MYOM1: variants seen among roughly 807,000 people sequenced by gnomAD.
The protein encoded by MYOM1 is myomesin 1.
In MYOM1, 164 loss-of-function variants were observed where a neutral mutation model predicts 205.3. The ratio of observed to expected loss-of-function variants is 0.80; its 90% confidence interval spans 0.70 to 0.91. MYOM1 has a LOEUF of 0.91. Ranked by LOEUF, MYOM1 falls within the 40% of genes least tolerant of loss-of-function variation. The pLI is 0.00. For missense variants in MYOM1, 2,011 were observed against 2,127.3 expected (o/e 0.95, Z 1.08); for synonymous variants, 772 against 789.4 (o/e 0.98, Z 0.37).
At position 3,067,472 on chromosome 18, in the gene MYOM1, G is replaced by C. The variant is rs201952488; in HGVS notation, c.4848C>G (p.Asp1616Glu). ...CCTCGAACTTGAGGTTGCAGTGGTC[G>C]TCTGAGGCCAGGGCCTTCTCGTTCT... ...WLKNEKALAS[D>E]DHCNLKFEAG... Residue 1616 changes from aspartate (D) to glutamate (E), a missense_variant, in exon 38 of 38, where the codon GAC (aspartate) becomes GAG (glutamate). Transcript: ENST00000356443. 2 of 1,613,712 alleles carry C rather than the reference G, an allele frequency of 1.2e-6. No homozygotes were observed. Among genetic ancestry groups the C allele is most frequent in the Admixed American group, 3.3e-5 (2 of 60,014 alleles).
At chr18:3,244,638 C>CG in the MYOM1 span, among the ~76,000 whole-genome samples, 1 of 151,932 alleles carries the variant, frequency 6.6e-6, no homozygotes, top group African/African-American at 2.4e-5. Context: ...TGCCTGTAAT[C>CG]CAAGCACTTT....
the MYOM1 span, among the ~76,000 whole-genome samples, chr18:3,242,487 G>A: frequency 3.3e-5 from 5 of 152,202 alleles, no homozygotes; most frequent in African/African-American, 1.2e-4. Context: ...TCTTTCTTTT[G>A]TAAATTACCC....
Position 3,174,548 on chromosome 18 carries a change from G to A in MYOM1, c.1023-340C>T, listed in dbSNP as rs558953524. Among the ~76,000 whole-genome samples, 8 of 152,240 alleles carry A rather than the reference G, an allele frequency of 5.3e-5. No homozygotes were observed. In the South Asian group the frequency reaches 6.2e-4, roughly 12 times the overall value. Reference sequence around the variant, plus strand: ...TATAGAGTGAACAGCATTGTGATCCGCTTACTTGTCTAAAGTTGCATTGGG... The same window carrying A: ...TATAGAGTGAACAGCATTGTGATCCACTTACTTGTCTAAAGTTGCATTGGG... On this transcript the variant is annotated intron_variant, in intron 6 of 37. Coordinates refer to ENST00000356443, the MANE Select transcript of MYOM1 (RefSeq NM_003803.4).
chr18:3,116,579 GA>G (rs2079609871), intron 20 of MYOM1, 64 bp from the exon 21 acceptor site: 3 of 1,409,310 alleles, frequency 2.1e-6, no homozygotes, highest in Admixed American at 2.4e-5. Context: ...CACACGTTTA[GA>G]ACCACTTGTA....
intron 34 of MYOM1, 147 bp downstream of exon 34, chr18:3,079,032 T>C (rs1444941340): frequency 3.2e-6 from 2 of 631,542 alleles, no homozygotes; most frequent in African/African-American, 3.7e-5. Flanking sequence ...AGGCTGGTCT[T>C]GAACTCCTGA....
chr18:3,077,555 C>T (rs1271888643), intron 34 of MYOM1, among the ~76,000 whole-genome samples: 1 of 152,022 alleles, frequency 6.6e-6, no homozygotes, highest in Non-Finnish European at 1.5e-5. Context: ...TCCTCTTGTC[C>T]CCGCACCACT....
At chr18:3,198,780 C>T (rs1337403320) in intron 2 of MYOM1, among the ~76,000 whole-genome samples, 1 of 147,134 alleles carries the variant, frequency 6.8e-6, no homozygotes, top group Non-Finnish European at 1.5e-5. Context: ...GAGACTCTGT[C>T]TCAAAAAAAG....
At chr18:3,116,210 C>G in intron 21 of MYOM1, 121 bp downstream of exon 21, 1 of 1,055,256 alleles carries the variant, frequency 9.5e-7, no homozygotes, top group Non-Finnish European at 1.3e-6. Context: ...TGGAATCTTA[C>G]CAGGAGCCCA....
intron 14 of MYOM1, among the ~76,000 whole-genome samples, chr18:3,140,805 A>G (rs1469885730): frequency 6.6e-6 from 1 of 152,196 alleles, no homozygotes; most frequent in African/African-American, 2.4e-5. Flanking sequence ...TTTTTATAAA[A>G]AAAAATTCTA....
intron 11 of MYOM1, among the ~76,000 whole-genome samples, chr18:3,153,935 A>G (rs1405006880): frequency 6.6e-6 from 1 of 152,224 alleles, no homozygotes. Context: ...GTCCAAACTC[A>G]TGTCATAATT....
At position 3,134,730 on chromosome 18, in the gene MYOM1, C is replaced by A. The variant is rs2079931046; in HGVS notation, c.2304G>T (p.Leu768=). 6.2e-7 allele frequency: 1 copy of A among 1,613,948 alleles called. No homozygotes were observed. The highest frequency in any genetic ancestry group is 8.5e-7 in the Non-Finnish European group (1 of 1,179,884). The change falls in exon 16 of 38, where the codon CTG becomes CTT. Residue 768 remains leucine (L), a synonymous_variant. Coordinates refer to ENST00000356443, the MANE Select transcript of MYOM1 (RefSeq NM_003803.4). The part of the protein sequence containing the change: ...SWEESKDAKE[L]VGYYIEASVA... The stretch of plus-strand genomic sequence containing the variant: ...CGCTCGCCTCTATGTAGTACCCGAC[C>A]AGCTCTTTGGCATCTTTGGACTCCT...
the MYOM1 span, among the ~76,000 whole-genome samples, chr18:3,240,649 A>G: frequency 6.6e-6 from 1 of 152,212 alleles, no homozygotes; most frequent in African/African-American, 2.4e-5. Flanking sequence ...AATTGGTACC[A>G]GTAGAGTGGG....
intron 18 of MYOM1, among the ~76,000 whole-genome samples, chr18:3,127,311 T>A (rs1318538364): frequency 1.2e-3 from 118 of 99,364 alleles, no homozygotes; most frequent in African/African-American, 2.8e-3. Flanking sequence ...ATATATTTTT[T>A]TTTTTTTTTT....
intron 12 of MYOM1, among the ~76,000 whole-genome samples, chr18:3,151,445 A>T (rs371981317): frequency 2.0e-5 from 3 of 147,528 alleles, no homozygotes; most frequent in African/African-American, 7.4e-5. Flanking sequence ...AAATAAAATA[A>T]AATATAAAAT....
chr18:3,090,382 GCTAATTTTT>G (rs1336040998), intron 27 of MYOM1, among the ~76,000 whole-genome samples: 3 of 152,052 alleles, frequency 2.0e-5, no homozygotes, highest in African/African-American at 2.4e-5. Flanking sequence ...ACCATGCCTG[GCTAATTTTT>G]GTATTTTTAA....
At chr18:3,114,408 C>T (rs1326834035) in intron 21 of MYOM1, among the ~76,000 whole-genome samples, 2 of 151,344 alleles carry the variant, frequency 1.3e-5, no homozygotes, top group Non-Finnish European at 2.9e-5. Flanking sequence ...GACAGAGTCT[C>T]GTTCTGTTGC....
rs150670298 is a variant in MYOM1, at chr18:3,152,321, T to C, written c.1644-428A>G. On this transcript the variant is annotated intron_variant, in intron 11 of 37. Transcript: ENST00000356443. This position sits in a 1 kb window ranked among gnomAD's most constrained non-coding sequence, Gnocchi z 4.3. ...AAAAACAGAGGTATTATTGAGAAAA[T>C]TGGCGTCTTAAAACCTAACTATTTG... 4.7e-4 allele frequency among the ~76,000 whole-genome samples: 72 copies of C among 152,294 alleles called. No homozygotes were observed. The highest frequency in any genetic ancestry group is 4.6e-3 in the East Asian group (24 of 5,190).
rs1488764698 is a variant in MYOM1, at chr18:3,164,376, G to A, written c.1403C>T (p.Thr468Ile). Residue 468 changes from threonine (T) to isoleucine (I), a missense_variant, in exon 10 of 38, where the codon ACA (threonine) becomes ATA (isoleucine). Physicochemically the swap from Thr to Ile is moderately conservative, Grantham distance 89. Coordinates refer to ENST00000356443, the MANE Select transcript of MYOM1 (RefSeq NM_003803.4). ...TLWSGERATL[T>I]FSHLNKEDEG... ...ATCTTCTTTGTTGAGATGGGAAAAT[G>A]TCAGCGTTGCCCGCTCTCCACTCCA... is the stretch of plus-strand genomic sequence containing the variant. 2 of 1,611,922 alleles carry A rather than the reference G, an allele frequency of 1.2e-6. No individual in the cohort carries two copies. The highest frequency in any genetic ancestry group is 1.7e-6 in the Non-Finnish European group (2 of 1,178,878).
rs2080231676 is a variant in MYOM1, at chr18:3,152,091, A to G, written c.1644-198T>C. ...CACTGTGTCTTCTTTACCAAGAGGA[A>G]AGAAGCCTCAGGTCCTTCCTGAACT... is the stretch of plus-strand genomic sequence containing the variant. On this transcript the variant is annotated intron_variant, in intron 11 of 37. Transcript: ENST00000356443. This position sits in a 1 kb window ranked among gnomAD's most constrained non-coding sequence, Gnocchi z 4.3. Among the ~76,000 whole-genome samples the G allele has an allele frequency of 6.6e-6, 1 of 152,148 alleles. No individual in the cohort carries two copies. The highest frequency in any genetic ancestry group is 2.4e-5 in the African/African-American group (1 of 41,424).
Sources: gnomAD v4.1 joint callset for allele counts (sites outside exome capture counted in the v4.1 genomes callset) on GRCh38, gnomAD v4.1.1 for gene constraint, Gnocchi (gnomAD v3.1) non-coding constraint, MANE v1.5 for transcripts, NCBI Gene and HGNC (gene_info 2026-07-23, HGNC 2026-07-21) for gene names.